PHF21A: variants seen among roughly 807,000 people sequenced by gnomAD.
PHF21A encodes BHC80a.
PHF21A carries 11 observed loss-of-function variants against 82.5 expected under a neutral mutation model. That is an observed-to-expected ratio of 0.13 (90% CI 0.08 to 0.22). PHF21A has a LOEUF of 0.22. PHF21A is among the 10% of genes least tolerant of loss of function. The pLI is 1.00. For missense variants in PHF21A, 579 were observed against 837.8 expected (o/e 0.69, Z 3.81); for synonymous variants, 297 against 302.8 (o/e 0.98, Z 0.20).
At chr11:46,083,099 A>G (rs2096813031) in intron 4 of PHF21A, among the ~76,000 whole-genome samples, 1 of 151,948 alleles carries the variant, frequency 6.6e-6, no homozygotes, top group African/African-American at 2.4e-5. Flanking sequence ...AACTAATTTC[A>G]CTCAGAAAAA....
chr11:46,108,635 C>T (rs1018179192), intron 1 of PHF21A, among the ~76,000 whole-genome samples: 3 of 150,504 alleles, frequency 2.0e-5, no homozygotes, highest in African/African-American at 2.4e-5. Context: ...AGGATGAGAA[C>T]GGAATGACTA....
At chr11:46,072,726 A>T (rs141554888) in intron 6 of PHF21A, among the ~76,000 whole-genome samples, 1 of 152,310 alleles carries the variant, frequency 6.6e-6, no homozygotes, top group East Asian at 1.9e-4. Flanking sequence ...TGAGGAAGTG[A>T]CATTTAAGCT....
intron 6 of PHF21A, among the ~76,000 whole-genome samples, chr11:46,040,441 G>A (rs537388657): frequency 3.3e-5 from 5 of 152,184 alleles, no homozygotes; most frequent in African/African-American, 1.2e-4. Context: ...AAGTAGAAGA[G>A]AAAATGTCTG....
At chr11:46,095,039 C>T (rs1021788957) in intron 1 of PHF21A, among the ~76,000 whole-genome samples, 8 of 152,282 alleles carry the variant, frequency 5.3e-5, no homozygotes, top group Admixed American at 2.0e-4. Context: ...AGAGGGTCCA[C>T]GGCTTTAATT....
At position 46,006,046 on chromosome 11, in the gene PHF21A, G is replaced by A. The variant is rs142722491; in HGVS notation, c.154-26080C>T. The stretch of plus-strand genomic sequence containing the variant: ...GGTCTAATATAAAACAGTCTTTGTA[G>A]ATAAAAAATAATTCAAATTCAGACA... On this transcript the variant is annotated intron_variant, in intron 6 of 18. Coordinates refer to ENST00000676320, the MANE Select transcript of PHF21A (RefSeq NM_001352027.3). Among the ~76,000 whole-genome samples, 1,214 of 152,196 alleles carry A rather than the reference G, an allele frequency of 8.0e-3. 6 individuals are homozygous for A. The highest frequency in any genetic ancestry group is 0.024 in the Middle Eastern group (7 of 294).
intron 16 of PHF21A, 130 bp downstream of exon 16, chr11:45,938,027 C>T (rs906590218): frequency 1.1e-5 from 8 of 735,962 alleles, no homozygotes; most frequent in Non-Finnish European, 1.8e-5. Flanking sequence ...GTGTCATAAA[C>T]AGGGAAGATG....
chr11:45,961,864 C>T (rs1385557502), intron 10 of PHF21A, among the ~76,000 whole-genome samples: 4 of 152,148 alleles, frequency 2.6e-5, no homozygotes, highest in East Asian at 1.9e-4. Context: ...CTGTCTAAAA[C>T]GAGTCTTCAG....
At chr11:46,107,350 T>C (rs1257609245) in intron 1 of PHF21A, among the ~76,000 whole-genome samples, 1 of 152,212 alleles carries the variant, frequency 6.6e-6, no homozygotes. Context: ...ATAACATTAA[T>C]TGAGCCCTCT....
At chr11:45,971,436 A>C in intron 7 of PHF21A, 69 bp from the exon 8 acceptor site, 1 of 1,345,674 alleles carries the variant, frequency 7.4e-7, no homozygotes, top group South Asian at 1.4e-5. Flanking sequence ...ATCCCACTAA[A>C]CAATATGCTG....
chr11:45,956,065 T>A (rs1245518376), intron 10 of PHF21A, among the ~76,000 whole-genome samples: 1 of 152,322 alleles, frequency 6.6e-6, no homozygotes, highest in East Asian at 1.9e-4. Context: ...GAATTCTATA[T>A]CCTGCAAAAC....
At chr11:46,074,565 T>C (rs950327038) in intron 6 of PHF21A, among the ~76,000 whole-genome samples, 2 of 152,222 alleles carry the variant, frequency 1.3e-5, no homozygotes, top group East Asian at 1.9e-4. Flanking sequence ...TGCAGTGGCA[T>C]GGTCTTGGCT....
At chr11:46,029,869 T>C (rs1205308445) in intron 6 of PHF21A, among the ~76,000 whole-genome samples, 1 of 152,206 alleles carries the variant, frequency 6.6e-6, no homozygotes, top group Admixed American at 6.5e-5. Flanking sequence ...AACAAAGGCA[T>C]AGAAGAAGAT....
rs560100609 is a variant in PHF21A, at chr11:45,956,093, G to A, written c.997-2468C>T. ...TGCAAAACTATTCTTCAAAAATGGA[G>A]AAATTAAGACATTCCCAGATAAACA... On this transcript the variant is annotated intron_variant, in intron 10 of 18. Coordinates refer to ENST00000676320, the MANE Select transcript of PHF21A (RefSeq NM_001352027.3). Among the ~76,000 whole-genome samples the A allele has an allele frequency of 2.0e-5, 3 of 152,298 alleles. No individual in the cohort carries two copies. In the South Asian group the frequency reaches 6.2e-4, roughly 32 times the overall value.
At chr11:46,026,584 G>C (rs2095751253) in intron 6 of PHF21A, among the ~76,000 whole-genome samples, 1 of 151,936 alleles carries the variant, frequency 6.6e-6, no homozygotes. Context: ...GTGGTAAACT[G>C]TTTCCATATT....
At chr11:45,961,524 G>A (rs2093072623) in intron 10 of PHF21A, among the ~76,000 whole-genome samples, 1 of 152,176 alleles carries the variant, frequency 6.6e-6, no homozygotes, top group South Asian at 2.1e-4. Flanking sequence ...TATCTTGTAA[G>A]TACTTCTCTT....
chr11:45,984,394 G>C (rs947127314), intron 6 of PHF21A, among the ~76,000 whole-genome samples: 2 of 152,136 alleles, frequency 1.3e-5, no homozygotes, highest in Non-Finnish European at 2.9e-5. Flanking sequence ...GCATCACTGG[G>C]TTTCATCAGG....
intron 12 of PHF21A, among the ~76,000 whole-genome samples, 185 bp from the exon 13 acceptor site, chr11:45,949,666 C>T (rs2091844170): frequency 6.6e-6 from 1 of 152,138 alleles, no homozygotes; most frequent in Non-Finnish European, 1.5e-5. Flanking sequence ...TCTACTCTCA[C>T]CTGCAAGACC....
chr11:45,978,718 A>G (rs1324283531), intron 7 of PHF21A, among the ~76,000 whole-genome samples: 1 of 152,230 alleles, frequency 6.6e-6, no homozygotes, highest in African/African-American at 2.4e-5. Context: ...CAACAGAGTC[A>G]TAAAGGGATC....
intron 6 of PHF21A, among the ~76,000 whole-genome samples, chr11:46,010,939 A>C (rs1010315325): frequency 6.6e-6 from 1 of 152,132 alleles, no homozygotes; most frequent in Non-Finnish European, 1.5e-5. Context: ...AATAAGCATG[A>C]TCAAGTCTCC....
Sources: gnomAD v4.1 joint callset for allele counts (sites outside exome capture counted in the v4.1 genomes callset) on GRCh38, gnomAD v4.1.1 for gene constraint, MANE v1.5 for transcripts, NCBI Gene and HGNC (gene_info 2026-07-23, HGNC 2026-07-21) for gene names.